Variants in OCM observed in about 807,000 individuals in gnomAD.
OCM encodes oncomodulin-1.
In OCM, 18 loss-of-function variants were observed where a neutral mutation model predicts 14.1. That is an observed-to-expected ratio of 1.28 (90% CI 0.88 to 1.89). The LOEUF is 1.89. OCM is among the 40% of genes most tolerant of loss of function. The probability of loss-of-function intolerance (pLI) is 0.00; values close to 1 mark genes in which losing one functional copy is unlikely to be tolerated. For synonymous variants in OCM, 48 were observed against 51.0 expected, an observed-to-expected ratio of 0.94 and a Z score of 0.25; for missense variants, 140 against 137.6, an observed-to-expected ratio of 1.02 and a Z score of -0.09.
At chr7:5,861,239 C>T in the OCM span, among the ~76,000 whole-genome samples, 11 of 151,852 alleles carry the variant, frequency 7.2e-5, no homozygotes, top group African/African-American at 1.9e-4. Flanking sequence ...CTGGCCAACA[C>T]GGTGAAACCC....
At chr7:5,861,258 C>G in the OCM span, among the ~76,000 whole-genome samples, 16 of 151,966 alleles carry the variant, frequency 1.1e-4, no homozygotes, top group Non-Finnish European at 1.8e-4. Context: ...CCCATCTCTA[C>G]TAAAAATACA....
At chr7:5,871,176 C>T in the OCM span, among the ~76,000 whole-genome samples, 4 of 151,418 alleles carry the variant, frequency 2.6e-5, no homozygotes, top group Non-Finnish European at 5.9e-5. Flanking sequence ...GTGAGAGCCC[C>T]CCCCCCGTCT....
chr7:5,886,020 C>T (rs1186869693), intron 3 of OCM, 44 bp from the exon 4 acceptor site: 7 of 1,613,830 alleles, frequency 4.3e-6, no homozygotes, highest in African/African-American at 1.3e-5. Context: ...CTGTAAAGAA[C>T]CAAGCCACCT....
At chr7:5,866,871 T>C in the OCM span, among the ~76,000 whole-genome samples, 1 of 152,188 alleles carries the variant, frequency 6.6e-6, no homozygotes, top group Non-Finnish European at 1.5e-5. Flanking sequence ...CCCACAATTG[T>C]GTAAGGTCCA....
At chr7:5,861,838 C>G in the OCM span, among the ~76,000 whole-genome samples, 493 of 152,112 alleles carry the variant, frequency 3.2e-3, 2 homozygotes, top group Non-Finnish European at 5.4e-3. Flanking sequence ...CTCGGCCTCC[C>G]AAAGCATTGA....
At chr7:5,878,893 AAAAAAAG>A (rs1781151579), upstream of OCM, among the ~76,000 whole-genome samples, 1 of 150,346 alleles carries the variant, frequency 6.7e-6, no homozygotes, top group African/African-American at 2.5e-5. Flanking sequence ...AAAAAAAAAA[AAAAAAAG>A]CCAGGCGCAG....
At chr7:5,882,209 C>G (rs548217274) in intron 1 of OCM, among the ~76,000 whole-genome samples, 139 of 150,960 alleles carry the variant, frequency 9.2e-4, no homozygotes, top group Middle Eastern at 3.5e-3. Flanking sequence ...AGCCACACAG[C>G]CTGTAAAGTG....
At chr7:5,874,715 A>G in the OCM span, among the ~76,000 whole-genome samples, 1 of 152,038 alleles carries the variant, frequency 6.6e-6, no homozygotes, top group Admixed American at 6.6e-5. Flanking sequence ...TTTGTAACCC[A>G]GGCTGGTCTC....
the OCM span, among the ~76,000 whole-genome samples, chr7:5,864,794 C>T: frequency 3.9e-5 from 6 of 152,102 alleles, no homozygotes; most frequent in Admixed American, 6.6e-5. Context: ...CAAAATTAGC[C>T]GGGCGTGGTG....
chr7:5,883,259 A>T (rs1781257331), intron 2 of OCM, among the ~76,000 whole-genome samples: 1 of 152,186 alleles, frequency 6.6e-6, no homozygotes, highest in East Asian at 1.9e-4. Context: ...ACTGAAGCAC[A>T]AGAATTGCTT....
the OCM span, among the ~76,000 whole-genome samples, chr7:5,865,705 GA>G: frequency 3.9e-4 from 59 of 152,136 alleles, no homozygotes; most frequent in Non-Finnish European, 6.0e-4. Flanking sequence ...CTAAATTCAG[GA>G]AATGAAACAT....
intron 3 of OCM, 62 bp from the exon 4 acceptor site, chr7:5,886,002 C>T (rs374151534): frequency 3.4e-5 from 54 of 1,611,430 alleles, no homozygotes; most frequent in Non-Finnish European, 4.0e-5. Flanking sequence ...TCATTGGCCA[C>T]GGCACGTCTG....
the OCM span, among the ~76,000 whole-genome samples, chr7:5,874,629 C>T: frequency 3.3e-5 from 5 of 151,914 alleles, no homozygotes; most frequent in South Asian, 2.1e-4. Flanking sequence ...CTCAGCCTCC[C>T]GAGTAGCTGG....
At chr7:5,872,346 G>A in the OCM span, among the ~76,000 whole-genome samples, 7 of 152,220 alleles carry the variant, frequency 4.6e-5, no homozygotes, top group East Asian at 5.8e-4. Flanking sequence ...CAGTCACTTC[G>A]TCTCACGAAG....
chr7:5,867,064 C>T, the OCM span, among the ~76,000 whole-genome samples: 2 of 152,114 alleles, frequency 1.3e-5, no homozygotes, highest in Non-Finnish European at 2.9e-5. Flanking sequence ...GCACATTGGA[C>T]GTTGAGGTGA....
chr7:5,879,736 A>G (rs1583170203), upstream of OCM: 1 of 133,826 alleles, frequency 7.5e-6, no homozygotes, highest in Admixed American at 8.1e-5. Context: ...TCCCACCCAC[A>G]TTCCCTTGAG....
the OCM span, among the ~76,000 whole-genome samples, chr7:5,862,526 C>A: frequency 0.015 from 2,211 of 152,324 alleles, 26 homozygotes; most frequent in Middle Eastern, 0.027. Context: ...AGGACAAGGA[C>A]AAGATCGTAA....
At chr7:5,878,255 G>A (rs1241243549), upstream of OCM, among the ~76,000 whole-genome samples, 18 of 151,472 alleles carry the variant, frequency 1.2e-4, no homozygotes, top group East Asian at 2.0e-4. Flanking sequence ...GAGCCACTGC[G>A]CCCGGCCAGT....
chr7:5,885,383 C>A (rs1476155956), intron 3 of OCM, among the ~76,000 whole-genome samples: 1 of 152,120 alleles, frequency 6.6e-6, no homozygotes, highest in Non-Finnish European at 1.5e-5. Context: ...CCCTTCCTGT[C>A]TGAAATTGAC....
Sources: allele counts gnomAD v4.1 joint callset (sites outside exome capture counted in the v4.1 genomes callset), GRCh38; gene constraint gnomAD v4.1.1; transcripts MANE v1.5; gene names NCBI Gene and HGNC (gene_info 2026-07-23, HGNC 2026-07-21).